The following SEC16A variants were observed in gnomAD, a reference collection of about 807,000 sequenced individuals.
SEC16A encodes SEC16 homolog A, endoplasmic reticulum export factor.
In SEC16A, 110 loss-of-function variants were observed where a neutral mutation model predicts 221.9. The ratio of observed to expected loss-of-function variants is 0.50; its 90% CI spans 0.42 to 0.58. The LOEUF (loss-of-function observed/expected upper bound fraction) is 0.58. Among genes scored for constraint, SEC16A ranks in the 20% least tolerant of loss-of-function variants. The pLI, the probability that SEC16A is intolerant of heterozygous loss-of-function variation, is 0.00. For missense variants in SEC16A, 3,165 were observed against 3,097.8 expected (o/e 1.02, Z -0.52); for synonymous variants, 1,393 against 1,257.7 (o/e 1.11, Z -2.28).
chr9:136,461,297 C>T (rs751214526), intron 12 of SEC16A, 23 bp from the exon 13 acceptor site: 5 of 1,559,758 alleles, frequency 3.2e-6, no homozygotes, highest in Admixed American at 1.8e-5. Flanking sequence ...TTTCAGGGAC[C>T]TTGGTGGGTT....
At chr9:136,460,646 C>A (rs966931099) in intron 13 of SEC16A, among the ~76,000 whole-genome samples, 1 of 150,926 alleles carries the variant, frequency 6.6e-6, no homozygotes, top group East Asian at 1.9e-4. Context: ...TATGGTGGCT[C>A]ACGCCTGTAA....
In SEC16A at chr9:136,443,906, A is replaced by G. The variant is rs1381245816; in HGVS notation, c.6928-6T>C. On this transcript the variant is annotated splice_region_variant and splice_polypyrimidine_tract_variant and intron_variant, in intron 30 of 31. Transcript: ENST00000684901. ...GCAGGGAGGTCGCCAGGAGCCTGAG[A>G]AGCACAGAGAAGTCACCTCAGCAGG... is the stretch of plus-strand genomic sequence containing the variant. The G allele has an allele frequency of 1.2e-6, 2 of 1,605,716 alleles. No individual in the cohort carries two copies. Among genetic ancestry groups the G allele is most frequent in the African/African-American group, 2.7e-5 (2 of 74,584 alleles).
At position 136,475,082 on chromosome 9, in the gene SEC16A, A is replaced by G. The variant is rs759317094; in HGVS notation, c.2534T>C (p.Phe845Ser). 9 of 1,613,836 alleles carry G rather than the reference A, an allele frequency of 5.6e-6. No individual in the cohort carries two copies. Among genetic ancestry groups the G allele is most frequent in the Middle Eastern group, 1.6e-4 (1 of 6,062 alleles). ...ATGAGAGTTCGATAAGGACACAGAA[A>G]AGTTAATGGGCTGAGCCAGATTATA... is the stretch of plus-strand genomic sequence containing the variant. The part of the protein sequence containing the change: ...HSYNLAQPIN[F>S]SVSLSNSHEK... The change falls in exon 3 of 32, where the codon TTT becomes TCT. Residue 845 changes from phenylalanine (F) to serine (S), a missense_variant. Phe to Ser is a radical substitution (Grantham distance 155). Transcript: ENST00000684901. This position sits in a 1 kb window ranked among gnomAD's most constrained non-coding sequence, Gnocchi z 5.0.
At chr9:136,482,005 A>AG (rs1842435724) in intron 1 of SEC16A, among the ~76,000 whole-genome samples, 1 of 152,232 alleles carries the variant, frequency 6.6e-6, no homozygotes, top group African/African-American at 2.4e-5. Flanking sequence ...AAAAAGAAAA[A>AG]AAAAGTGCCC....
At chr9:136,480,770 A>G (rs1199968292) in intron 1 of SEC16A, among the ~76,000 whole-genome samples, 5 of 152,022 alleles carry the variant, frequency 3.3e-5, no homozygotes, top group East Asian at 1.9e-4. Context: ...GGCGCCTGTA[A>G]TCCCAGCTAC....
At chr9:136,453,334 C>T in intron 22 of SEC16A, 94 bp downstream of exon 22, 1 of 873,128 alleles carries the variant, frequency 1.1e-6, no homozygotes, top group Non-Finnish European at 1.9e-6. Context: ...TCATAGTCCT[C>T]ACTACCATCA....
Position 136,441,527 on chromosome 9 carries a change from C to T in SEC16A, c.*228G>A. ...ACATCATTCTTTTCGGCAAACAATT[C>T]TGAGTCAAAGATTCAGTCTTTCCAT... On this transcript the variant is annotated 3_prime_UTR_variant, in exon 32 of 32. Transcript: ENST00000684901. 1 of 568,636 alleles carries T rather than the reference C, an allele frequency of 1.8e-6. No homozygotes were observed. The highest frequency in any genetic ancestry group is 3.2e-6 in the Non-Finnish European group (1 of 315,702). The allele number at this position is 568,636 out of a possible 1,614,324, so 35.2% of individuals were successfully genotyped here. A position where few individuals can be genotyped will look rare whatever the true frequency, so the allele number is the denominator to read the frequency against.
At chr9:136,461,039 C>T in intron 13 of SEC16A, 138 bp downstream of exon 13, 1 of 680,786 alleles carries the variant, frequency 1.5e-6, no homozygotes, top group East Asian at 2.7e-5. Flanking sequence ...GCCTCGAGGC[C>T]AAGGAAGCCC....
chr9:136,477,077 G>A lies in SEC16A; in HGVS notation c.539C>T (p.Pro180Leu), dbSNP rs1564542186. The A allele has an allele frequency of 6.2e-7, 1 of 1,613,848 alleles. No individual in the cohort carries two copies. Among genetic ancestry groups the A allele is most frequent in the Non-Finnish European group, 8.5e-7 (1 of 1,179,880 alleles). The change falls in exon 3 of 32, where the codon CCT becomes CTT. Residue 180 changes from proline (P) to leucine (L), a missense_variant. By Grantham distance (98) the Pro-to-Leu change is moderately conservative. Transcript: ENST00000684901. ...SHGGHPHGNMPGLDRPLSRQN... is the reference protein window; with the variant it reads ...SHGGHPHGNMLGLDRPLSRQN... ...CCTGCTCAGGGGTCGGTCGAGCCCAGGCATGTTCCCATGAGGGTGGCCCCC... is the reference window on the plus strand; with the variant it reads ...CCTGCTCAGGGGTCGGTCGAGCCCAAGCATGTTCCCATGAGGGTGGCCCCC...
Position 136,474,991 on chromosome 9 carries a change from G to A in SEC16A, c.2625C>T (p.Leu875=), listed in dbSNP as rs200974666. ...GDRPAVSSWA[L]GGDSGENTSL... is the part of the protein sequence containing the mutation. ...AAGTGTTCTCCCCAGAATCACCACC[G>A]AGAGCCCAACTGCTGACTGCAGGTC... Residue 875 remains leucine, a synonymous_variant, in exon 3 of 32, where the codon CTC becomes CTT. Coordinates refer to ENST00000684901, the MANE Select transcript of SEC16A (RefSeq NM_014866.2). 624 of 1,613,640 alleles carry A rather than the reference G, an allele frequency of 3.9e-4. 7 individuals are homozygous for A. In the South Asian group the frequency reaches 6.2e-3, roughly 16 times the overall value.
Position 136,477,249 on chromosome 9 carries a change from G to A in SEC16A, c.367C>T (p.Pro123Ser), listed in dbSNP as rs774210550. The change falls in exon 3 of 32, where the codon CCG becomes TCG. Residue 123 changes from proline to serine, a missense_variant. Transcript: ENST00000684901. ...PLTQPRAHAS[P>S]FSGALTPSAP... ...GAAGGTGTCAATGCACCAGAAAACG[G>A]ACTGGCATGTGCTCTGGGCTGTGTC... 3.8e-5 allele frequency: 61 copies of A among 1,613,814 alleles called. No individual in the cohort carries two copies. The South Asian group carries it at 6.4e-4, about 17-fold the overall frequency.
chr9:136,445,657 G>A lies in SEC16A; in HGVS notation c.6855C>T (p.Ser2285=). The A allele has an allele frequency of 1.3e-6, 2 of 1,551,090 alleles. No individual in the cohort carries two copies. The highest frequency in any genetic ancestry group is 1.7e-6 in the Non-Finnish European group (2 of 1,147,040). The part of the protein sequence containing the change: ...SELPSSRPEG[S]QGGELSRCSS... ...CGGCACTCCTTACCTCTCCTCCCTG[G>A]GAACCCTCAGGCCTGGAGGAGGGGA... Residue 2285 remains serine (S), a synonymous_variant, in exon 29 of 32, where the codon TCC becomes TCT. Transcript: ENST00000684901.
Position 136,464,552 on chromosome 9 carries a change from T to C in SEC16A, c.4314A>G (p.Arg1438=), listed in dbSNP as rs1193873291. 2 of 1,601,310 alleles carry C rather than the reference T, an allele frequency of 1.2e-6. No homozygotes were observed. The highest frequency in any genetic ancestry group is 2.2e-5 in the East Asian group (1 of 44,592). Residue 1438 remains arginine (R), a synonymous_variant, in exon 9 of 32, where the codon AGA becomes AGG. Coordinates refer to ENST00000684901, the MANE Select transcript of SEC16A (RefSeq NM_014866.2). ...VWPAMEQVSS[R]PTSPEKFSVP... is the part of the protein sequence containing the mutation. ...CTGAAAATTTTTCAGGAGAAGTTGGTCTTGATGAAACTGCATTTAAAATAA... is the reference window on the plus strand; with the variant it reads ...CTGAAAATTTTTCAGGAGAAGTTGGCCTTGATGAAACTGCATTTAAAATAA...
chr9:136,453,995 A>G (rs1006268121), intron 21 of SEC16A, 114 bp downstream of exon 21: 1 of 1,002,896 alleles, frequency 1.0e-6, no homozygotes, highest in Non-Finnish European at 1.5e-6. Context: ...CTACGTTAAG[A>G]CAAGTAATGT....
chr9:136,451,965 C>T (rs972231897), intron 22 of SEC16A, among the ~76,000 whole-genome samples: 5 of 152,240 alleles, frequency 3.3e-5, no homozygotes, highest in South Asian at 2.1e-4. Context: ...TTCCAGAATG[C>T]GGTCTGTATA....
chr9:136,477,041 T>A lies in SEC16A; in HGVS notation c.575A>T (p.His192Leu), dbSNP rs1227427813. The change falls in exon 3 of 32, where the codon CAT becomes CTT. Residue 192 changes from histidine to leucine, a missense_variant. Physicochemically the swap from His to Leu is moderately conservative, Grantham distance 99. Coordinates refer to ENST00000684901, the MANE Select transcript of SEC16A (RefSeq NM_014866.2). ...TGCTGCTGGGGTGACCACACCGTCA[T>A]GTGGGTTTTGCCTGCTCAGGGGTCG... Reference protein sequence around the residue: ...LDRPLSRQNPHDGVVTPAASP... With the variant: ...LDRPLSRQNPLDGVVTPAASP... 1 of 1,613,606 alleles carries A rather than the reference T, an allele frequency of 6.2e-7. No homozygotes were observed. The highest frequency in any genetic ancestry group is 1.3e-5 in the African/African-American group (1 of 74,916).
At chr9:136,446,133 T>A (rs1588869909) in intron 28 of SEC16A, among the ~76,000 whole-genome samples, 1 of 135,418 alleles carries the variant, frequency 7.4e-6, no homozygotes, top group South Asian at 2.3e-4. Context: ...TGAGATGGAG[T>A]CTGGCTCTGT....
chr9:136,472,213 G>A, intron 3 of SEC16A, 102 bp from the exon 4 acceptor site: 1 of 1,388,014 alleles, frequency 7.2e-7, no homozygotes, highest in Non-Finnish European at 1.0e-6. Flanking sequence ...GGCAGCATTA[G>A]ATACCTACCA....
At chr9:136,446,407 C>A (rs1348191058) in intron 28 of SEC16A, among the ~76,000 whole-genome samples, 1 of 151,616 alleles carries the variant, frequency 6.6e-6, no homozygotes, top group Non-Finnish European at 1.5e-5. Context: ...CCACTCCCGA[C>A]TGGTCTGAGC....
Sources: gnomAD v4.1 joint callset for allele counts (sites outside exome capture counted in the v4.1 genomes callset) on GRCh38, gnomAD v4.1.1 for gene constraint, Gnocchi (gnomAD v3.1) non-coding constraint, MANE v1.5 for transcripts, NCBI Gene and HGNC (gene_info 2026-07-23, HGNC 2026-07-21) for gene names.